Variants in DCAF6 observed in about 807,000 individuals in gnomAD.
DCAF6 encodes DDB1- and CUL4-associated factor 6.
A neutral mutation model predicts 125.1 loss-of-function variants in DCAF6; 54 were observed. That is an observed-to-expected ratio of 0.43 (90% CI 0.35 to 0.54). DCAF6 has a LOEUF of 0.54. Ranked by LOEUF, DCAF6 falls within the 20% of genes least tolerant of loss-of-function variation. The probability of loss-of-function intolerance (pLI) is 0.01; values close to 1 mark genes in which losing one functional copy is unlikely to be tolerated. For missense variants in DCAF6, 934 were observed against 1,161.7 expected (o/e 0.80, Z 2.85); for synonymous variants, 371 against 390.4 (o/e 0.95, Z 0.58).
At chr1:167,974,685 A>C (rs553906113) in intron 3 of DCAF6, 145 bp from the exon 4 acceptor site, 2 of 554,610 alleles carry the variant, frequency 3.6e-6, no homozygotes, top group South Asian at 1.5e-4. Flanking sequence ...GATTTTTTTA[A>C]ATTATAATAG....
At chr1:168,032,174 C>T (rs1687187774) in intron 12 of DCAF6, among the ~76,000 whole-genome samples, 1 of 152,226 alleles carries the variant, frequency 6.6e-6, no homozygotes, top group Admixed American at 6.5e-5. Flanking sequence ...TAATAAATAT[C>T]TGTACTAAAA....
intron 13 of DCAF6, among the ~76,000 whole-genome samples, chr1:168,040,877 A>T (rs1193953894): frequency 6.7e-6 from 1 of 148,396 alleles, no homozygotes; most frequent in African/African-American, 2.6e-5. Context: ...CAAGTATTCA[A>T]CATTCATTGT....
At chr1:168,042,996 T>G (rs749462500) in intron 13 of DCAF6, 29 bp from the exon 14 acceptor site, 1 of 1,501,734 alleles carries the variant, frequency 6.7e-7, no homozygotes, top group Non-Finnish European at 9.2e-7. Context: ...AACTTCTTGG[T>G]GGAATCACTT....
chr1:167,869,728 A>T, the DCAF6 span, among the ~76,000 whole-genome samples: 1 of 152,148 alleles, frequency 6.6e-6, no homozygotes, highest in Non-Finnish European at 1.5e-5. Flanking sequence ...TCAATCGATC[A>T]CGACCCTCTC....
At chr1:168,015,108 T>G (rs997591527) in intron 10 of DCAF6, among the ~76,000 whole-genome samples, 1 of 152,338 alleles carries the variant, frequency 6.6e-6, no homozygotes, top group Non-Finnish European at 1.5e-5. Flanking sequence ...CCTAAAACAA[T>G]GCCTCATACA....
chr1:168,002,399 T>G (rs1236587475), intron 7 of DCAF6, 83 bp from the exon 8 acceptor site: 2 of 1,201,080 alleles, frequency 1.7e-6, no homozygotes, highest in Admixed American at 3.6e-5. Flanking sequence ...GAGATGGAAA[T>G]AAATAGACAT....
intron 13 of DCAF6, among the ~76,000 whole-genome samples, chr1:168,040,165 C>A (rs1012917203): frequency 6.6e-6 from 1 of 151,736 alleles, no homozygotes; most frequent in Non-Finnish European, 1.5e-5. Context: ...GAGTGAGCCA[C>A]GTATTTATAT....
chr1:167,966,282 C>T (rs781222901), intron 2 of DCAF6, among the ~76,000 whole-genome samples: 2 of 152,174 alleles, frequency 1.3e-5, no homozygotes, highest in Non-Finnish European at 2.9e-5. Flanking sequence ...ACTATTAAAT[C>T]AAGCTTGTCT....
chr1:167,897,360 A>AGT, the DCAF6 span, among the ~76,000 whole-genome samples: 3 of 150,340 alleles, frequency 2.0e-5, no homozygotes, highest in African/African-American at 7.3e-5. Context: ...AGCCAGGTGT[A>AGT]GTGGCACATG....
the DCAF6 span, among the ~76,000 whole-genome samples, chr1:167,929,225 G>A: frequency 6.6e-6 from 1 of 152,130 alleles, no homozygotes; most frequent in African/African-American, 2.4e-5. Context: ...GGGCGTGGTG[G>A]TGCATGCCTG....
chr1:168,050,459 C>T (rs1689774537), intron 16 of DCAF6, among the ~76,000 whole-genome samples: 1 of 152,082 alleles, frequency 6.6e-6, no homozygotes, highest in Admixed American at 6.5e-5. Context: ...CCCTGTTATT[C>T]TTTGCTCATT....
intron 1 of DCAF6, among the ~76,000 whole-genome samples, chr1:167,948,320 A>G (rs1267097693): frequency 6.6e-6 from 1 of 151,212 alleles, no homozygotes; most frequent in Non-Finnish European, 1.5e-5. Context: ...ACTAGCAGTC[A>G]TCTGTCCTGT....
At chr1:167,865,452 T>C in the DCAF6 span, among the ~76,000 whole-genome samples, 1 of 152,212 alleles carries the variant, frequency 6.6e-6, no homozygotes, top group Non-Finnish European at 1.5e-5. Context: ...CTGTAAAAAC[T>C]TACCTTATGG....
the DCAF6 span, chr1:167,905,228 T>C: frequency 1.6e-5 from 23 of 1,424,152 alleles, no homozygotes; most frequent in Non-Finnish European, 2.3e-5. Context: ...AGAGGAAATC[T>C]GATATATTCA....
chr1:168,044,742 A>G (rs1312189556), intron 15 of DCAF6, 71 bp downstream of exon 15: 15 of 1,438,348 alleles, frequency 1.0e-5, no homozygotes, highest in East Asian at 2.3e-5. Context: ...TAATCTCTCT[A>G]TAGTTAGAGG....
chr1:167,996,909 G>A (rs930130463), intron 7 of DCAF6, among the ~76,000 whole-genome samples: 3 of 151,998 alleles, frequency 2.0e-5, no homozygotes, highest in Non-Finnish European at 2.9e-5. Flanking sequence ...TTAAAATCAC[G>A]GCCTTTAACT....
upstream of DCAF6, chr1:167,935,935 C>G: frequency 1.1e-6 from 1 of 934,648 alleles, no homozygotes; most frequent in Non-Finnish European, 1.7e-6. Flanking sequence ...TTTCCTGCCA[C>G]GACGACTCGC....
At chr1:167,918,783 T>C in the DCAF6 span, among the ~76,000 whole-genome samples, 1 of 151,914 alleles carries the variant, frequency 6.6e-6, no homozygotes, top group Non-Finnish European at 1.5e-5. Context: ...TTAGTAGAGA[T>C]GGTGTTTCAC....
intron 17 of DCAF6, chr1:168,056,393 C>G: frequency 7.1e-7 from 1 of 1,405,408 alleles, no homozygotes; most frequent in African/African-American, 2.4e-5. Context: ...AGAGCAGGGC[C>G]CGCACGCTCC....
Sources: gnomAD v4.1 joint callset for allele counts (sites outside exome capture counted in the v4.1 genomes callset) on GRCh38, gnomAD v4.1.1 for gene constraint, MANE v1.5 for transcripts, NCBI Gene and HGNC (gene_info 2026-07-23, HGNC 2026-07-21) for gene names.